Variants in LRRTM4 observed in about 807,000 individuals in gnomAD.
The protein encoded by LRRTM4 is leucine-rich repeat transmembrane neuronal protein 4.
A neutral mutation model predicts 47.6 loss-of-function variants in LRRTM4; 25 were observed. The ratio of observed to expected loss-of-function variants is 0.53; its 90% CI spans 0.38 to 0.73. LRRTM4 has a LOEUF of 0.73. LRRTM4 is among the 30% of genes least tolerant of loss of function. The pLI, the probability that LRRTM4 is intolerant of heterozygous loss-of-function variation, is 0.00. For missense variants in LRRTM4, 638 were observed against 713.4 expected (o/e 0.89, Z 1.20); for synonymous variants, 311 against 269.5 (o/e 1.15, Z -1.51).
At chr2:76,952,221 G>C (rs1388091266) in intron 3 of LRRTM4, among the ~76,000 whole-genome samples, 1 of 151,926 alleles carries the variant, frequency 6.6e-6, no homozygotes, top group Admixed American at 6.6e-5. Flanking sequence ...TTTCCTGTTT[G>C]AATGACATGT....
intron 3 of LRRTM4, among the ~76,000 whole-genome samples, chr2:77,457,995 T>C (rs796579880): frequency 1.3e-5 from 2 of 152,278 alleles, no homozygotes; most frequent in African/African-American, 2.4e-5. Flanking sequence ...GGACCCCAAA[T>C]TGGATGGCAG....
intron 3 of LRRTM4, among the ~76,000 whole-genome samples, chr2:76,785,874 CCAAGGAAGAAAATGCCTT>C (rs1208136358): frequency 1.8e-4 from 28 of 151,926 alleles, no homozygotes; most frequent in Non-Finnish European, 4.1e-4. Context: ...GCAGAGTTGC[CCAAGGAAGAAAATGCCTT>C]GTGTGTAGGC....
At chr2:77,083,643 T>C (rs1680602963) in intron 3 of LRRTM4, among the ~76,000 whole-genome samples, 1 of 152,106 alleles carries the variant, frequency 6.6e-6, no homozygotes, top group Non-Finnish European at 1.5e-5. Context: ...TGTAGTTTTC[T>C]ACTTCATGAT....
intron 3 of LRRTM4, among the ~76,000 whole-genome samples, chr2:76,798,557 A>AT (rs1307311841): frequency 6.6e-6 from 1 of 150,850 alleles, no homozygotes; most frequent in Admixed American, 6.6e-5. Context: ...AAGCAAGAGC[A>AT]AACACATTCA....
intron 3 of LRRTM4, among the ~76,000 whole-genome samples, chr2:77,089,500 C>A (rs1327678081): frequency 6.6e-6 from 1 of 151,866 alleles, no homozygotes; most frequent in African/African-American, 2.4e-5. Context: ...GCGCCCCATC[C>A]CTTATTTCCA....
chr2:77,200,664 T>C (rs1673948731), intron 3 of LRRTM4, among the ~76,000 whole-genome samples: 2 of 152,104 alleles, frequency 1.3e-5, no homozygotes, highest in Admixed American at 1.3e-4. Context: ...ATTATTTTTT[T>C]CACAAGCTAC....
At chr2:77,240,882 AAAAC>A (rs1157729025) in intron 3 of LRRTM4, among the ~76,000 whole-genome samples, 1 of 152,024 alleles carries the variant, frequency 6.6e-6, no homozygotes. Flanking sequence ...TGAATAATAA[AAAAC>A]AATAATGAAA....
chr2:76,807,473 T>TATATATATAC (rs1670554952), intron 3 of LRRTM4, among the ~76,000 whole-genome samples: 2 of 106,660 alleles, frequency 1.9e-5, no homozygotes, highest in Admixed American at 1.1e-4. Context: ...TATATATACA[T>TATATATATAC]ATATATATAT....
chr2:77,344,328 G>A (rs1179479633), intron 3 of LRRTM4, among the ~76,000 whole-genome samples: 1 of 151,702 alleles, frequency 6.6e-6, no homozygotes, highest in Non-Finnish European at 1.5e-5. Flanking sequence ...AGGAAGAAGG[G>A]TAAACACTCT....
rs150490127 is a variant in LRRTM4, at chr2:76,990,716, C to A, written c.1552-241800G>T. 5.1e-3 allele frequency among the ~76,000 whole-genome samples: 771 copies of A among 151,834 alleles called. 4 individuals are homozygous for A. Among genetic ancestry groups the A allele is most frequent in the African/African-American group, 0.018 (730 of 41,476 alleles). The stretch of plus-strand genomic sequence containing the variant: ...AATAATAGTGAGGGACATCAACAAC[C>A]ACTGATAGTGCATAGGCAGATCATT... On this transcript the variant is annotated intron_variant, in intron 3 of 3. Transcript: ENST00000409884.
intron 3 of LRRTM4, among the ~76,000 whole-genome samples, chr2:77,434,918 T>G (rs1675531026): frequency 6.6e-6 from 1 of 152,212 alleles, no homozygotes; most frequent in East Asian, 1.9e-4. Flanking sequence ...GTAGCTATAT[T>G]GAAGGTTGTG....
Position 77,518,664 on chromosome 2 carries a change from G to T in LRRTM4, c.1205C>A (p.Pro402Gln). ...AATCTGAAACCCTGGGGAAGGGCTT[G>T]GTGTTTCAAAGGTGGATTGGGTGAC... ...PDVTQSTFET[P>Q]SPSPGFQIPG... is the part of the protein sequence containing the mutation. Residue 402 changes from proline to glutamine, a missense_variant, in exon 3 of 4, where the codon CCA (proline) becomes CAA (glutamine). Transcript: ENST00000409884. 1 of 1,613,442 alleles carries T rather than the reference G, an allele frequency of 6.2e-7. No homozygotes were observed. The highest frequency in any genetic ancestry group is 8.5e-7 in the Non-Finnish European group (1 of 1,179,656).
intron 3 of LRRTM4, among the ~76,000 whole-genome samples, chr2:76,784,723 A>C (rs1674580554): frequency 6.6e-6 from 1 of 152,028 alleles, no homozygotes; most frequent in South Asian, 2.1e-4. Flanking sequence ...ACATCTGAAC[A>C]CCTTTATAAA....
chr2:77,387,599 C>A (rs1159639051), intron 3 of LRRTM4, among the ~76,000 whole-genome samples: 1 of 152,078 alleles, frequency 6.6e-6, no homozygotes, highest in South Asian at 2.1e-4. Flanking sequence ...CGTGAACACA[C>A]AATTCATGCT....
intron 3 of LRRTM4, among the ~76,000 whole-genome samples, chr2:76,926,122 TGATA>T (rs2103820669): frequency 6.6e-6 from 1 of 152,258 alleles, no homozygotes; most frequent in South Asian, 2.1e-4. Context: ...TTTCATAAAT[TGATA>T]AATAAAATTG....
chr2:77,145,289 TA>T (rs529635817), intron 3 of LRRTM4, among the ~76,000 whole-genome samples: 157 of 151,572 alleles, frequency 1.0e-3, no homozygotes, highest in African/African-American at 3.4e-3. Flanking sequence ...GATGAAATAG[TA>T]AAAGTATATA....
intron 3 of LRRTM4, among the ~76,000 whole-genome samples, chr2:77,086,409 A>AGTGCGTGTGTGT (rs1553385150): frequency 1.3e-5 from 2 of 150,608 alleles, no homozygotes; most frequent in Non-Finnish European, 2.9e-5. Context: ...AAACATTTTT[A>AGTGCGTGTGTGT]GTGTGTGTAT....
At chr2:77,475,382 A>G (rs902065368) in intron 3 of LRRTM4, among the ~76,000 whole-genome samples, 1 of 152,022 alleles carries the variant, frequency 6.6e-6, no homozygotes, top group African/African-American at 2.4e-5. Context: ...TATTTTTATA[A>G]CTCATTTTAT....
chr2:77,260,374 CGTGTGTGTGT>C lies in LRRTM4; in HGVS notation c.1551+257934_1551+257943del, dbSNP rs58758948. Among the ~76,000 whole-genome samples, 115 of 140,500 alleles carry C rather than the reference CGTGTGTGTGT, an allele frequency of 8.2e-4. 1 individual carries two copies. Among genetic ancestry groups the C allele is most frequent in the East Asian group, 6.0e-3 (28 of 4,660 alleles). The allele number at this position is 140,500 out of a possible 152,430, so 92.2% of individuals were successfully genotyped here. ...GAAATTGGAAGTACTACCAAAAAAT[CGTGTGTGTGT>C]GTGTGTGTGTGTGTGTGTGTGTGTG... On this transcript the variant is annotated intron_variant, in intron 3 of 3. Coordinates refer to ENST00000409884, the MANE Select transcript of LRRTM4 (RefSeq NM_001134745.3).
Sources: gnomAD v4.1 joint callset for allele counts (sites outside exome capture counted in the v4.1 genomes callset) on GRCh38, gnomAD v4.1.1 for gene constraint, MANE v1.5 for transcripts, NCBI Gene and HGNC (gene_info 2026-07-23, HGNC 2026-07-21) for gene names.